Variants in KCNK1 observed in about 807,000 individuals in gnomAD.
KCNK1 encodes potassium two pore domain channel subfamily K member 1.
Under a neutral mutation model 22.2 loss-of-function variants are expected in KCNK1, and 10 were observed. The observed-to-expected ratio is 0.45, with a 90% CI of 0.28 to 0.76. KCNK1 has a LOEUF of 0.76. KCNK1 is among the 30% of genes least tolerant of loss of function. KCNK1 has a pLI of 0.14. For synonymous variants in KCNK1, 200 were observed against 186.4 expected, an observed-to-expected ratio of 1.07 and a Z score of -0.60; for missense variants, 378 against 421.0, an observed-to-expected ratio of 0.90 and a Z score of 0.89.
intron 1 of KCNK1, among the ~76,000 whole-genome samples, chr1:233,648,531 T>C (rs1370833015): frequency 2.0e-5 from 3 of 152,008 alleles, no homozygotes; most frequent in Non-Finnish European, 4.4e-5. Context: ...TGGGTTATAA[T>C]AACAAAGGTC....
intron 1 of KCNK1, among the ~76,000 whole-genome samples, chr1:233,651,402 G>A (rs1236184668): frequency 2.0e-5 from 3 of 152,186 alleles, no homozygotes; most frequent in East Asian, 3.8e-4. Flanking sequence ...CCCAGAGGAG[G>A]TGGCATGTGG....
intron 1 of KCNK1, among the ~76,000 whole-genome samples, chr1:233,657,862 G>C (rs953409826): frequency 6.6e-6 from 1 of 151,990 alleles, no homozygotes; most frequent in African/African-American, 2.4e-5. Context: ...TCCTACAGCA[G>C]AAGGTGACTG....
At chr1:233,648,574 T>A (rs1227920210) in intron 1 of KCNK1, among the ~76,000 whole-genome samples, 3 of 151,980 alleles carry the variant, frequency 2.0e-5, no homozygotes, top group Non-Finnish European at 4.4e-5. Flanking sequence ...TTTTTTTTTT[T>A]CTTCCCTTGA....
At chr1:233,624,775 C>T (rs1657655742) in intron 1 of KCNK1, among the ~76,000 whole-genome samples, 1 of 152,002 alleles carries the variant, frequency 6.6e-6, no homozygotes. Context: ...CTCGGTGCAC[C>T]ACAAAAGGCC....
chr1:233,643,858 A>G (rs1010870131), intron 1 of KCNK1, among the ~76,000 whole-genome samples: 2 of 152,224 alleles, frequency 1.3e-5, no homozygotes, highest in Non-Finnish European at 2.9e-5. Flanking sequence ...TGAAAACAGA[A>G]ACAAAAACAA....
chr1:233,654,610 G>C (rs1279394520), intron 1 of KCNK1, among the ~76,000 whole-genome samples: 1 of 152,152 alleles, frequency 6.6e-6, no homozygotes, highest in Non-Finnish European at 1.5e-5. Context: ...TCTCACCCTA[G>C]CCATATTATG....
At position 233,671,408 on chromosome 1, in the gene KCNK1, G is replaced by A. The variant is rs778013725; in HGVS notation, c.889G>A (p.Asp297Asn). 1 of 1,614,048 alleles carries A rather than the reference G, an allele frequency of 6.2e-7. No individual in the cohort carries two copies. Among genetic ancestry groups the A allele is most frequent in the Admixed American group, 1.7e-5 (1 of 60,004 alleles). Residue 297 changes from aspartate to asparagine, a missense_variant, in exon 3 of 3, where the codon GAC (aspartate) becomes AAC (asparagine). Transcript: ENST00000366621. ...DEDQVHIIEH[D>N]QLSFSSITDQ... Reference sequence around the variant, plus strand: ...GGATCAGGTGCACATCATAGAGCATGACCAACTGTCCTTCTCCTCGATCAC... The same window carrying A: ...GGATCAGGTGCACATCATAGAGCATAACCAACTGTCCTTCTCCTCGATCAC...
intron 1 of KCNK1, among the ~76,000 whole-genome samples, chr1:233,664,814 T>G (rs1057321533): frequency 6.6e-6 from 1 of 152,248 alleles, no homozygotes; most frequent in African/African-American, 2.4e-5. Flanking sequence ...ATTTTTAAGC[T>G]GAGTGTATTT....
chr1:233,646,043 T>G (rs1305760141), intron 1 of KCNK1, among the ~76,000 whole-genome samples: 4 of 151,508 alleles, frequency 2.6e-5, no homozygotes, highest in Non-Finnish European at 4.4e-5. Context: ...AGGTGAGAGG[T>G]GATGGTGGGG....
Position 233,614,514 on chromosome 1 carries a change from C to T in KCNK1, c.343C>T (p.Leu115Phe), listed in dbSNP as rs1333140112. ...TSALFFASTV[L>F]STTGYGHTVP... ...CGCGCTCTTCTTCGCCAGCACCGTG[C>T]TCTCCACCACAGGTAGGGTATCCTG... Residue 115 changes from leucine to phenylalanine, a missense_variant, in exon 1 of 3, where the codon CTC (leucine) becomes TTC (phenylalanine). Coordinates refer to ENST00000366621, the MANE Select transcript of KCNK1 (RefSeq NM_002245.4). The T allele has an allele frequency of 6.3e-7, 1 of 1,594,520 alleles. No homozygotes were observed.
intron 1 of KCNK1, among the ~76,000 whole-genome samples, chr1:233,660,013 C>G (rs1658364569): frequency 6.6e-6 from 1 of 152,146 alleles, no homozygotes; most frequent in Admixed American, 6.5e-5. Context: ...GGAGCCATCT[C>G]CAGGATATAC....
chr1:233,617,569 A>G (rs760548343), intron 1 of KCNK1, among the ~76,000 whole-genome samples: 3 of 152,208 alleles, frequency 2.0e-5, no homozygotes, highest in Non-Finnish European at 4.4e-5. Flanking sequence ...AGGGAAGTTT[A>G]TGTATTTTTA....
At chr1:233,635,828 A>G (rs1477668130) in intron 1 of KCNK1, among the ~76,000 whole-genome samples, 5 of 152,226 alleles carry the variant, frequency 3.3e-5, no homozygotes, top group African/African-American at 1.2e-4. Flanking sequence ...AAAGCATAAA[A>G]TATTTTACAT....
intron 1 of KCNK1, among the ~76,000 whole-genome samples, chr1:233,616,490 T>G (rs1276806511): frequency 6.6e-6 from 1 of 152,212 alleles, no homozygotes; most frequent in East Asian, 1.9e-4. Flanking sequence ...GACGTCTTAT[T>G]ATTGGTATTC....
rs201127875 is a variant in KCNK1, at chr1:233,671,431, C to A, written c.912C>A (p.Ile304=). ...ATGACCAACTGTCCTTCTCCTCGATCACAGACCAGGCAGCTGGCATGAAAG... is the reference window on the plus strand; with the variant it reads ...ATGACCAACTGTCCTTCTCCTCGATAACAGACCAGGCAGCTGGCATGAAAG... ...IEHDQLSFSS[I]TDQAAGMKED... Residue 304 remains isoleucine (I), a synonymous_variant, in exon 3 of 3, where the codon ATC becomes ATA. Transcript: ENST00000366621. The A allele has an allele frequency of 1.3e-4, 204 of 1,614,182 alleles. No individual in the cohort carries two copies. The highest frequency in any genetic ancestry group is 2.2e-4 in the Admixed American group (13 of 60,018).
At chr1:233,626,187 A>G (rs1224630119) in intron 1 of KCNK1, among the ~76,000 whole-genome samples, 1 of 151,814 alleles carries the variant, frequency 6.6e-6, no homozygotes, top group Non-Finnish European at 1.5e-5. Flanking sequence ...CTGGATTCAT[A>G]TTGTTGGCCA....
chr1:233,615,250 C>G (rs1312728993), intron 1 of KCNK1, among the ~76,000 whole-genome samples: 1 of 152,206 alleles, frequency 6.6e-6, no homozygotes. Flanking sequence ...ATTGGGGCAC[C>G]CTGATTCAGC....
chr1:233,641,410 A>G (rs1423276330), intron 1 of KCNK1, among the ~76,000 whole-genome samples: 1 of 152,268 alleles, frequency 6.6e-6, no homozygotes, highest in Non-Finnish European at 1.5e-5. Flanking sequence ...CTCGTATCTT[A>G]GAGAAACATC....
intron 1 of KCNK1, chr1:233,661,921 T>A (rs1658399925): frequency 6.6e-6 from 1 of 152,176 alleles, no homozygotes; most frequent in African/African-American, 2.4e-5. Context: ...CACCGTGCAA[T>A]GAGTTTCACC....
Sources: allele counts gnomAD v4.1 joint callset (sites outside exome capture counted in the v4.1 genomes callset), GRCh38; gene constraint gnomAD v4.1.1; transcripts MANE v1.5; gene names NCBI Gene and HGNC (gene_info 2026-07-23, HGNC 2026-07-21).